Variants in COL9A3 observed in about 807,000 individuals in gnomAD.
The protein encoded by COL9A3 is collagen type IX alpha 3 chain.
In COL9A3, 82 loss-of-function variants were observed where a neutral mutation model predicts 110.2. That is an observed-to-expected ratio of 0.74 (90% CI 0.62 to 0.89). The LOEUF (loss-of-function observed/expected upper bound fraction) is 0.89, where lower values mean the gene tolerates loss of function less well. Ranked by LOEUF, COL9A3 falls within the 40% of genes least tolerant of loss-of-function variation. COL9A3 has a pLI of 0.00. For missense variants in COL9A3, 1,066 were observed against 981.3 expected (o/e 1.09, Z -1.15); for synonymous variants, 494 against 403.8 (o/e 1.22, Z -2.68).
At position 62,830,506 on chromosome 20, in the gene COL9A3, TC is replaced by T. The variant is rs763551155; in HGVS notation, c.1216-9del. On this transcript the variant is annotated splice_polypyrimidine_tract_variant and intron_variant, in intron 23 of 31. Transcript: ENST00000649368. ...GTATGGGCACTGACGAGCCAGGACC[TC>T]CTTCCCCAGGGCCAGAAGGGCAGCA... The T allele has an allele frequency of 5.6e-6, 9 of 1,607,208 alleles. No homozygotes were observed. Among genetic ancestry groups the T allele is most frequent in the Non-Finnish European group, 7.6e-6 (9 of 1,177,958 alleles).
chr20:62,825,249 C>T (rs2063543450), intron 12 of COL9A3, among the ~76,000 whole-genome samples: 1 of 152,196 alleles, frequency 6.6e-6, no homozygotes, highest in South Asian at 2.1e-4. Flanking sequence ...CCTTCTGTGC[C>T]TGTCTTCCAG....
chr20:62,832,054 T>G, intron 24 of COL9A3, 100 bp from the exon 25 acceptor site: 3 of 1,157,604 alleles, frequency 2.6e-6, no homozygotes, highest in Non-Finnish European at 3.9e-6. Context: ...GCAGCACAGA[T>G]GGAGATGTGG....
chr20:62,840,702 C>T lies in COL9A3; in HGVS notation c.2025C>T (p.Val675=), dbSNP rs749087615. The change falls in exon 32 of 32, where the codon GTC becomes GTT. Residue 675 remains valine (V), a synonymous_variant. Coordinates refer to ENST00000649368, the MANE Select transcript of COL9A3 (RefSeq NM_001853.4). ...SACQGAVLGG[V]GEKSGSRSS Reference sequence around the variant, plus strand: ...GCCAAGGAGCCGTGTTAGGAGGGGTCGGGGAGAAATCAGGCTCTCGAAGCT... The same window carrying T: ...GCCAAGGAGCCGTGTTAGGAGGGGTTGGGGAGAAATCAGGCTCTCGAAGCT... 12 of 1,590,034 alleles carry T rather than the reference C, an allele frequency of 7.5e-6. No individual in the cohort carries two copies. Among genetic ancestry groups the T allele is most frequent in the Admixed American group, 5.4e-5 (3 of 55,370 alleles).
chr20:62,827,184 C>T, intron 15 of COL9A3, 57 bp from the exon 16 acceptor site: 8 of 1,594,918 alleles, frequency 5.0e-6, no homozygotes, highest in Non-Finnish European at 6.9e-6. Context: ...CCCCGTCCTA[C>T]TCTCCGACCA....
intron 4 of COL9A3, 62 bp downstream of exon 4, chr20:62,819,355 C>T (rs1052726055): frequency 9.4e-6 from 14 of 1,484,438 alleles, no homozygotes; most frequent in Non-Finnish European, 1.1e-5. Context: ...TGGAGGAGTC[C>T]GGCCCTAATT....
rs141960487 is a variant in COL9A3, at chr20:62,819,275, G to A, written c.237G>A (p.Pro79=). Residue 79 remains proline (P), a synonymous_variant, in exon 4 of 32, where the codon CCG becomes CCA. Coordinates refer to ENST00000649368, the MANE Select transcript of COL9A3 (RefSeq NM_001853.4). ...GGAAACCAGGAGAGGCTGGGCTGCC[G>A]GGACTGCCGGGTGTGGATGTGAGTG... ...KPGKPGEAGL[P]GLPGVDGLTG... The A allele has an allele frequency of 2.6e-4, 417 of 1,611,522 alleles. 1 individual carries two copies. The African/African-American group carries it at 4.5e-3, about 17-fold the overall frequency.
intron 10 of COL9A3, among the ~76,000 whole-genome samples, chr20:62,823,335 C>CA (rs1427418538): frequency 6.6e-6 from 1 of 152,074 alleles, no homozygotes; most frequent in Non-Finnish European, 1.5e-5. Context: ...AAGCCTGTCT[C>CA]AAAAAAATGA....
chr20:62,833,892 T>G (rs112382751), intron 26 of COL9A3, among the ~76,000 whole-genome samples: 16 of 151,654 alleles, frequency 1.1e-4, no homozygotes, highest in South Asian at 4.2e-4. Flanking sequence ...TTGTTTGTTT[T>G]TTTTTGAGAT....
At chr20:62,819,105 G>C (rs1991032310) in intron 3 of COL9A3, 117 bp from the exon 4 acceptor site, 1 of 1,016,124 alleles carries the variant, frequency 9.8e-7, no homozygotes. Flanking sequence ...CCCAGGAGAG[G>C]GGCCCATCCC....
At chr20:62,817,920 C>T (rs912825284) in intron 2 of COL9A3, 10 of 530,822 alleles carry the variant, frequency 1.9e-5, no homozygotes, top group African/African-American at 1.7e-4. Context: ...GTTCGGGGTT[C>T]TGGCCTCTGG....
intron 30 of COL9A3, among the ~76,000 whole-genome samples, chr20:62,838,351 G>A (rs1489213564): frequency 6.6e-6 from 1 of 152,224 alleles, no homozygotes; most frequent in Admixed American, 6.5e-5. Flanking sequence ...GGTCTTGTGG[G>A]CGGTTCTAAC....
At chr20:62,817,505 G>A in intron 1 of COL9A3, 62 bp from the exon 2 acceptor site, 1 of 1,210,856 alleles carries the variant, frequency 8.3e-7, no homozygotes, top group Non-Finnish European at 1.2e-6. Context: ...CCCGGGAGGA[G>A]GGGACGCCGG....
Position 62,824,454 on chromosome 20 carries a change from A to C in COL9A3, c.529A>C (p.Ile177Leu). Residue 177 changes from isoleucine (I) to leucine (L), a missense_variant, in exon 11 of 32, where the codon ATC (isoleucine) becomes CTC (leucine). By Grantham distance (5) the Ile-to-Leu change is conservative. Coordinates refer to ENST00000649368, the MANE Select transcript of COL9A3 (RefSeq NM_001853.4). The stretch of plus-strand genomic sequence containing the variant: ...CTCTGTTTTCCGACAGTGCCCAAGT[A>C]TCTGCCCGCCAGGTCCCCCAGGGCC... ...EGATDLQCPS[I>L]CPPGPPGPPG... 6.2e-7 allele frequency: 1 copy of C among 1,602,292 alleles called. No homozygotes were observed. Among genetic ancestry groups the C allele is most frequent in the Non-Finnish European group, 8.5e-7 (1 of 1,174,952 alleles).
At position 62,824,581 on chromosome 20, in the gene COL9A3, T is replaced by C. The variant is rs376280669; in HGVS notation, c.576+80T>C. ...CTGGGCTCCCATGGGGCTGTGGAGG[T>C]GGCGGGTCCAGAAAGCTGGACCCTG... On this transcript the variant is annotated intron_variant, in intron 11 of 31. Coordinates refer to ENST00000649368, the MANE Select transcript of COL9A3 (RefSeq NM_001853.4). 5.6e-6 allele frequency: 8 copies of C among 1,427,746 alleles called. No homozygotes were observed. The East Asian group carries it at 2.0e-4, about 35-fold the overall frequency. The allele number at this position is 1,427,746 out of a possible 1,614,324, so 88.4% of individuals were successfully genotyped here. A position where few individuals can be genotyped will look rare whatever the true frequency, so the allele number is the denominator to read the frequency against.
chr20:62,816,359 G>A (rs1238469802), upstream of COL9A3: 1 of 152,342 alleles, frequency 6.6e-6, no homozygotes, highest in African/African-American at 2.4e-5. Context: ...GGGGATCCCG[G>A]GGAGGGGTTC....
intron 22 of COL9A3, 69 bp from the exon 23 acceptor site, chr20:62,830,291 C>A: frequency 6.6e-7 from 1 of 1,522,472 alleles, no homozygotes; most frequent in Non-Finnish European, 8.9e-7. Context: ...CTGAGCCAGG[C>A]TCCCTGGGGC....
rs533282391 is a variant in COL9A3 at position 62,834,881 on chromosome 20, C to T, written c.1369-1040C>T. Among the ~76,000 whole-genome samples the T allele has an allele frequency of 1.8e-4, 27 of 152,254 alleles. No individual in the cohort carries two copies. In the South Asian group the frequency reaches 3.9e-3, roughly 22 times the overall value. On this transcript the variant is annotated intron_variant, in intron 26 of 31. Transcript: ENST00000649368. Reference sequence around the variant, plus strand: ...GTCTCAAACTCCTGACCTTGTGATCCGCTCGCCTTGGCCTCCCAAAGTGCT... The same window carrying T: ...GTCTCAAACTCCTGACCTTGTGATCTGCTCGCCTTGGCCTCCCAAAGTGCT...
chr20:62,824,420 G>T, intron 10 of COL9A3, 25 bp from the exon 11 acceptor site: 6 of 1,588,242 alleles, frequency 3.8e-6, no homozygotes, highest in Non-Finnish European at 5.1e-6. Flanking sequence ...GCTGGGAGGG[G>T]TCTGACTGCT....
Position 62,817,617 on chromosome 20 carries a change from C to A in COL9A3, c.129C>A (p.Pro43=). ...GCCCCCCAGGGCCGCCCGGGAAGCC[C>A]GGCCAGGACGGCATTGACGTGAGTT... ...PPGPPGPPGK[P]GQDGIDGEAG... Residue 43 remains proline (P), a synonymous_variant, in exon 2 of 32, where the codon CCC becomes CCA. Transcript: ENST00000649368. The A allele has an allele frequency of 6.5e-7, 1 of 1,545,516 alleles. No homozygotes were observed.
Sources: gnomAD v4.1 joint callset for allele counts (sites outside exome capture counted in the v4.1 genomes callset) on GRCh38, gnomAD v4.1.1 for gene constraint, MANE v1.5 for transcripts, NCBI Gene and HGNC (gene_info 2026-07-23, HGNC 2026-07-21) for gene names.